The following COL14A1 variants were observed in gnomAD, a reference collection of about 807,000 sequenced individuals.
COL14A1 encodes the protein collagen type XIV alpha 1 chain, also known as collagen alpha-1(XIV) chain.
COL14A1 carries 136 observed loss-of-function variants against 230.3 expected under a neutral mutation model. That is an observed-to-expected ratio of 0.59 (90% CI 0.51 to 0.68). COL14A1 has a LOEUF of 0.68. Ranked by LOEUF, COL14A1 falls within the 30% of genes least tolerant of loss-of-function variation. COL14A1 has a pLI of 0.00. For synonymous variants in COL14A1, 792 were observed against 784.1 expected, an observed-to-expected ratio of 1.01 and a Z score of -0.17; for missense variants, 1,976 against 2,215.8, an observed-to-expected ratio of 0.89 and a Z score of 2.17.
intron 42 of COL14A1, among the ~76,000 whole-genome samples, chr8:120,338,885 AG>A (rs1822179161): frequency 1.3e-5 from 2 of 152,314 alleles, no homozygotes; most frequent in South Asian, 4.1e-4. Context: ...TGGTCCTTCC[AG>A]TAAACACTAA....
chr8:120,296,766 G>A (rs942379920), intron 34 of COL14A1, among the ~76,000 whole-genome samples: 5 of 151,914 alleles, frequency 3.3e-5, no homozygotes, highest in African/African-American at 1.2e-4. Context: ...ACATACATGA[G>A]TGGAGCAAGC....
chr8:120,264,054 A>G (rs1819430105), intron 24 of COL14A1, among the ~76,000 whole-genome samples: 1 of 152,166 alleles, frequency 6.6e-6, no homozygotes, highest in African/African-American at 2.4e-5. Context: ...TTGTATCAGC[A>G]TCCCTACAAT....
intron 25 of COL14A1, among the ~76,000 whole-genome samples, chr8:120,268,694 C>A (rs530463911): frequency 6.6e-6 from 1 of 151,562 alleles, no homozygotes; most frequent in Non-Finnish European, 1.5e-5. Context: ...AACATTAAAA[C>A]GTAGAAAAAA....
At chr8:120,314,122 G>A in intron 38 of COL14A1, 95 bp downstream of exon 38, 10 of 868,820 alleles carry the variant, frequency 1.2e-5, no homozygotes, top group Non-Finnish European at 1.8e-5. Context: ...TCTTAATAAT[G>A]AACCTCAGTC....
At position 120,369,370 on chromosome 8, in the gene COL14A1, T is replaced by C; in HGVS notation, c.5196T>C (p.Pro1732=). 1 of 1,603,084 alleles carries C rather than the reference T, an allele frequency of 6.2e-7. No individual in the cohort carries two copies. Among genetic ancestry groups the C allele is most frequent in the Non-Finnish European group, 8.5e-7 (1 of 1,174,774 alleles). The change falls in exon 47 of 48, where the codon CCT becomes CCC. Residue 1732 remains proline (P), a synonymous_variant. Transcript: ENST00000297848. ...GESRPGSPGP[P]GSPGPRGPPG... ...GTCGGCCTGGCAGCCCTGGGCCCCC[T>C]GGCTCTCCTGGACCAAGAGGCCCAC...
intron 9 of COL14A1, 47 bp downstream of exon 9, chr8:120,203,917 C>T (rs1046836469): frequency 1.9e-6 from 3 of 1,553,480 alleles, no homozygotes; most frequent in African/African-American, 2.7e-5. Flanking sequence ...TATTATGGTG[C>T]ACAAGCCTAT....
At chr8:120,334,091 G>T (rs748288698) in intron 42 of COL14A1, among the ~76,000 whole-genome samples, 1 of 152,194 alleles carries the variant, frequency 6.6e-6, no homozygotes, top group Non-Finnish European at 1.5e-5. Flanking sequence ...TAAACAAGAT[G>T]TAACAGAAAT....
chr8:120,332,261 T>C, intron 41 of COL14A1, 67 bp downstream of exon 41: 2 of 1,465,820 alleles, frequency 1.4e-6, no homozygotes, highest in Non-Finnish European at 1.9e-6. Context: ...TTGAGAGGTT[T>C]TCTTTTGCCA....
At chr8:120,322,723 G>T (rs1040384881) in intron 40 of COL14A1, among the ~76,000 whole-genome samples, 1 of 122,942 alleles carries the variant, frequency 8.1e-6, no homozygotes, top group Admixed American at 7.6e-5. Context: ...CAAAGGACAT[G>T]TTCTTGTTTT....
chr8:120,139,789 G>A (rs148962135), intron 1 of COL14A1, among the ~76,000 whole-genome samples: 11 of 152,174 alleles, frequency 7.2e-5, no homozygotes, highest in Admixed American at 4.6e-4. Context: ...ACTGGGAGGC[G>A]GAGGTGGGAG....
chr8:120,265,837 G>A (rs926410975), intron 24 of COL14A1, among the ~76,000 whole-genome samples: 6 of 151,624 alleles, frequency 4.0e-5, no homozygotes, highest in African/African-American at 1.5e-4. Context: ...CTTAAAGTTG[G>A]AAGAGACCTT....
Position 120,226,685 on chromosome 8 carries a change from G to T in COL14A1, c.1923G>T (p.Arg641Ser), listed in dbSNP as rs753002369. ...EIDEVTTDSFRVTWHPLSADE... is the reference protein window; with the variant it reads ...EIDEVTTDSFSVTWHPLSADE... ...ATGAGGTGACGACAGACAGTTTTAG[G>T]GTGACCTGGCATCCCCTCTCAGCTG... Residue 641 changes from arginine (R) to serine (S), a missense_variant, in exon 16 of 48, where the codon AGG becomes AGT. Arg to Ser is a moderately radical substitution (Grantham distance 110). Coordinates refer to ENST00000297848, the MANE Select transcript of COL14A1 (RefSeq NM_021110.4). 2 of 1,613,884 alleles carry T rather than the reference G, an allele frequency of 1.2e-6. No homozygotes were observed. The highest frequency in any genetic ancestry group is 1.7e-6 in the Non-Finnish European group (2 of 1,179,884).
chr8:120,249,217 C>G (rs1055315436), intron 21 of COL14A1, among the ~76,000 whole-genome samples: 1 of 151,860 alleles, frequency 6.6e-6, no homozygotes, highest in Non-Finnish European at 1.5e-5. Context: ...CGCGCCCGGC[C>G]TAGTTTCAAT....
intron 4 of COL14A1, among the ~76,000 whole-genome samples, chr8:120,163,950 C>G (rs1815777817): frequency 1.3e-5 from 2 of 151,960 alleles, no homozygotes; most frequent in African/African-American, 4.8e-5. Flanking sequence ...ATCTTATAGT[C>G]TAGTGACCAG....
chr8:120,329,988 T>C (rs1185529882), intron 40 of COL14A1, among the ~76,000 whole-genome samples: 2 of 152,152 alleles, frequency 1.3e-5, no homozygotes, highest in Non-Finnish European at 2.9e-5. Flanking sequence ...AACACTCTCA[T>C]CTTCAACATT....
chr8:120,364,383 T>C (rs1823331023), intron 45 of COL14A1, among the ~76,000 whole-genome samples: 1 of 152,176 alleles, frequency 6.6e-6, no homozygotes, highest in South Asian at 2.1e-4. Context: ...ATCTGAAGTC[T>C]CTACGCTTAG....
chr8:120,240,641 AGAAATGATAAGCTTGTGTACT>A (rs2130843771), intron 19 of COL14A1, among the ~76,000 whole-genome samples: 2 of 152,320 alleles, frequency 1.3e-5, no homozygotes, highest in African/African-American at 4.8e-5. Context: ...ATTTACACAA[AGAAATGATAAGCTTGTGTACT>A]GAAGTTGGAC....
At chr8:120,162,339 C>T in intron 3 of COL14A1, 87 bp from the exon 4 acceptor site, 2 of 1,121,436 alleles carry the variant, frequency 1.8e-6, no homozygotes, top group South Asian at 1.9e-5. Flanking sequence ...TACTGTTTAA[C>T]ACCATAATTG....
intron 25 of COL14A1, among the ~76,000 whole-genome samples, chr8:120,267,291 G>A (rs1046128315): frequency 2.0e-5 from 3 of 151,652 alleles, no homozygotes; most frequent in Admixed American, 2.0e-4. Flanking sequence ...TTTTACCTAA[G>A]CCATTAAGGT....
Sources: gnomAD v4.1 joint callset for allele counts (sites outside exome capture counted in the v4.1 genomes callset) on GRCh38, gnomAD v4.1.1 for gene constraint, MANE v1.5 for transcripts, NCBI Gene and HGNC (gene_info 2026-07-23, HGNC 2026-07-21) for gene names.